IL1RAPL1: variants seen among roughly 807,000 people sequenced by gnomAD.
IL1RAPL1 encodes interleukin-1 receptor accessory protein-like 1.
IL1RAPL1 carries 3 observed loss-of-function variants against 48.4 expected under a neutral mutation model. The ratio of observed to expected loss-of-function variants is 0.06; its 90% CI spans 0.03 to 0.16. The LOEUF is 0.16. Among genes scored for constraint, IL1RAPL1 ranks in the 10% least tolerant of loss-of-function variants. IL1RAPL1 has a pLI of 1.00. For missense variants in IL1RAPL1, 349 were observed against 530.6 expected, an observed-to-expected ratio of 0.66 and a Z score of 3.36; for synonymous variants, 185 against 187.7, an observed-to-expected ratio of 0.99 and a Z score of 0.12.
intron 5 of IL1RAPL1, among the ~76,000 whole-genome samples, chrX:29,634,496 C>G (rs1013418806): frequency 5.4e-5 from 6 of 110,270 alleles, no homozygotes; most frequent in African/African-American, 2.0e-4. Flanking sequence ...ATGGTGTAGA[C>G]TCCCTCCTAC....
At chrX:29,677,221 T>C (rs1466246430) in intron 6 of IL1RAPL1, among the ~76,000 whole-genome samples, 1 of 112,292 alleles carries the variant, frequency 8.9e-6, no homozygotes, top group Non-Finnish European at 1.9e-5. Context: ...AGTGCTTCAA[T>C]AAGATTATGA....
intron 2 of IL1RAPL1, among the ~76,000 whole-genome samples, chrX:29,276,548 T>G: frequency 9.4e-6 from 1 of 106,251 alleles, no homozygotes. Flanking sequence ...ATATACATTT[T>G]CAATACTCAT....
Position 29,046,454 on chromosome X carries a change from C to G in IL1RAPL1, c.83-236484C>G, listed in dbSNP as rs142856659. On this transcript the variant is annotated intron_variant, in intron 2 of 10. Coordinates refer to ENST00000378993, the MANE Select transcript of IL1RAPL1 (RefSeq NM_014271.4). ...TGTTTATTAAGCACTCATTGTATGCCAGGCTAAGCACTTTGTCACAGAGAG... is the reference window on the plus strand; with the variant it reads ...TGTTTATTAAGCACTCATTGTATGCGAGGCTAAGCACTTTGTCACAGAGAG... Among the ~76,000 whole-genome samples, 523 of 111,503 alleles carry G rather than the reference C, an allele frequency of 4.7e-3. 3 individuals carry two copies. Among genetic ancestry groups the G allele is most frequent in the African/African-American group, 0.014 (433 of 30,696 alleles).
intron 1 of IL1RAPL1, among the ~76,000 whole-genome samples, chrX:28,605,784 T>C (rs1934077255): frequency 9.0e-6 from 1 of 111,725 alleles, no homozygotes; most frequent in South Asian, 3.7e-4. Flanking sequence ...TCATTCTCTC[T>C]TTTCTAGCTC....
chrX:29,916,212 G>A (rs772549583), intron 6 of IL1RAPL1, among the ~76,000 whole-genome samples: 17 of 105,912 alleles, frequency 1.6e-4, no homozygotes, highest in South Asian at 4.6e-4. Context: ...ATAAACATAC[G>A]TGTGCATGTG....
At chrX:29,350,886 A>G (rs939854964) in intron 3 of IL1RAPL1, among the ~76,000 whole-genome samples, 2 of 111,965 alleles carry the variant, frequency 1.8e-5, no homozygotes, top group African/African-American at 3.2e-5. Context: ...AATCTTGTTT[A>G]TATCAATTAG....
At chrX:28,908,685 A>C (rs1174404599) in intron 2 of IL1RAPL1, among the ~76,000 whole-genome samples, 1 of 111,731 alleles carries the variant, frequency 9.0e-6, no homozygotes, top group African/African-American at 3.2e-5. Context: ...AAGGTACTCT[A>C]TAAATGTCGA....
In IL1RAPL1 at chrX:28,794,682, G is replaced by C. The variant is rs111227136; in HGVS notation, c.82+5257G>C. 3.2e-3 allele frequency among the ~76,000 whole-genome samples: 355 copies of C among 111,900 alleles called. 2 individuals are homozygous for C. The highest frequency in any genetic ancestry group is 0.011 in the African/African-American group (336 of 30,839). Reference sequence around the variant, plus strand: ...AAATGATTTAGATGCAATTCTTCTAGACAGCAAGAGGAAGGCAAGCCTCAA... The same window carrying C: ...AAATGATTTAGATGCAATTCTTCTACACAGCAAGAGGAAGGCAAGCCTCAA... On this transcript the variant is annotated intron_variant, in intron 2 of 10. Transcript: ENST00000378993.
chrX:28,860,845 C>T (rs1487215097), intron 2 of IL1RAPL1, among the ~76,000 whole-genome samples: 1 of 111,201 alleles, frequency 9.0e-6, no homozygotes, highest in Non-Finnish European at 1.9e-5. Context: ...CTTTACCAAT[C>T]TAAGAATTTT....
intron 1 of IL1RAPL1, among the ~76,000 whole-genome samples, chrX:28,723,168 G>C (rs1177335142): frequency 9.0e-6 from 1 of 111,269 alleles, no homozygotes; most frequent in Non-Finnish European, 1.9e-5. Flanking sequence ...AGAAGGTATG[G>C]TTCCATCTCC....
At chrX:29,034,595 A>G in intron 2 of IL1RAPL1, among the ~76,000 whole-genome samples, 1 of 111,769 alleles carries the variant, frequency 8.9e-6, no homozygotes, top group East Asian at 2.8e-4. Flanking sequence ...TTTAACATGA[A>G]ATGTGCCTTT....
intron 6 of IL1RAPL1, among the ~76,000 whole-genome samples, chrX:29,916,285 A>T (rs1932800457): frequency 9.0e-6 from 1 of 110,923 alleles, no homozygotes; most frequent in Non-Finnish European, 1.9e-5. Flanking sequence ...TAGCTGGGTC[A>T]AATGGTATTT....
At chrX:29,312,976 A>G (rs1278665592) in intron 3 of IL1RAPL1, among the ~76,000 whole-genome samples, 2 of 111,690 alleles carry the variant, frequency 1.8e-5, no homozygotes, top group Non-Finnish European at 3.8e-5. Context: ...GCCAGGTGGA[A>G]CTGTGAGTCC....
chrX:29,743,261 T>G (rs1928252830), intron 6 of IL1RAPL1, among the ~76,000 whole-genome samples: 2 of 107,285 alleles, frequency 1.9e-5, no homozygotes, highest in African/African-American at 6.7e-5. Flanking sequence ...TATCATAAAT[T>G]TCTATATTAT....
intron 6 of IL1RAPL1, among the ~76,000 whole-genome samples, chrX:29,727,189 C>A (rs1320920173): frequency 8.9e-6 from 1 of 112,122 alleles, no homozygotes; most frequent in Non-Finnish European, 1.9e-5. Context: ...AAGAATTTAT[C>A]TCTGTTCACA....
chrX:29,205,357 T>C (rs1341232409), intron 2 of IL1RAPL1, among the ~76,000 whole-genome samples: 1 of 112,381 alleles, frequency 8.9e-6, no homozygotes, highest in Non-Finnish European at 1.9e-5. Context: ...GTTGTGAATT[T>C]AGGCCATAAT....
intron 6 of IL1RAPL1, among the ~76,000 whole-genome samples, chrX:29,777,601 G>A (rs1929231446): frequency 9.0e-6 from 1 of 111,016 alleles, no homozygotes; most frequent in Admixed American, 9.6e-5. Flanking sequence ...AATCCATAAA[G>A]AATCTGTCAT....
Position 29,453,816 on chromosome X carries a change from G to A in IL1RAPL1, c.703+54508G>A, listed in dbSNP as rs781537132. 2.3e-4 allele frequency among the ~76,000 whole-genome samples: 26 copies of A among 112,092 alleles called. No homozygotes were observed. In the South Asian group the frequency reaches 3.3e-3, roughly 14 times the overall value. Reference sequence around the variant, plus strand: ...AAATTTAAAGGAATTTTGAAAAAACGTGCACTATCTCCCATATTTCAACTA... The same window carrying A: ...AAATTTAAAGGAATTTTGAAAAAACATGCACTATCTCCCATATTTCAACTA... On this transcript the variant is annotated intron_variant, in intron 5 of 10. Transcript: ENST00000378993.
intron 6 of IL1RAPL1, among the ~76,000 whole-genome samples, chrX:29,678,342 C>G (rs1287003048): frequency 2.2e-4 from 9 of 41,710 alleles, no homozygotes; most frequent in African/African-American, 1.2e-3. Flanking sequence ...TTCAACACTA[C>G]TTTTTTTTTT....
Sources: allele counts gnomAD v4.1 joint callset (sites outside exome capture counted in the v4.1 genomes callset), GRCh38; gene constraint gnomAD v4.1.1; transcripts MANE v1.5; gene names NCBI Gene and HGNC (gene_info 2026-07-23, HGNC 2026-07-21).